The following RYR3 variants were observed in gnomAD, a reference collection of about 807,000 sequenced individuals.
RYR3 encodes the protein brain ryanodine receptor-calcium release channel.
Under a neutral mutation model 584.3 loss-of-function variants are expected in RYR3, and 207 were observed. That is an observed-to-expected ratio of 0.35 (90% CI 0.32 to 0.40). The LOEUF is 0.40. RYR3 is among the 10% of genes least tolerant of loss of function. The pLI is 1.00. For synonymous variants in RYR3, 2,416 were observed against 2,248.5 expected (o/e 1.07, Z -2.11); for missense variants, 5,616 against 6,089.2 (o/e 0.92, Z 2.59).
intron 88 of RYR3, 126 bp downstream of exon 88, chr15:33,837,113 A>C (rs756047270): frequency 1.4e-6 from 1 of 709,490 alleles, no homozygotes; most frequent in Non-Finnish European, 2.3e-6. Flanking sequence ...CAGAAAGCCA[A>C]ATTTTCAGAA....
chr15:33,478,924 C>A (rs11634742), intron 2 of RYR3, among the ~76,000 whole-genome samples: 3 of 152,162 alleles, frequency 2.0e-5, no homozygotes, highest in Non-Finnish European at 4.4e-5. Flanking sequence ...CCTTAGTGCC[C>A]TTTAAAAAGC....
At chr15:33,789,624 T>TTTTATATA (rs1258454158) in intron 67 of RYR3, among the ~76,000 whole-genome samples, 3 of 11,694 alleles carry the variant, frequency 2.6e-4, no homozygotes, top group African/African-American at 6.5e-4. Flanking sequence ...AGGTTTTATT[T>TTTTATATA]TATATATATA....
At chr15:33,553,978 T>C (rs1595565198) in intron 10 of RYR3, among the ~76,000 whole-genome samples, 1 of 152,364 alleles carries the variant, frequency 6.6e-6, no homozygotes, top group East Asian at 1.9e-4. Context: ...ATTTGTTTTT[T>C]TCTAACCACC....
intron 94 of RYR3, chr15:33,851,083 T>A (rs2079076137): frequency 6.6e-6 from 1 of 152,226 alleles, no homozygotes; most frequent in Admixed American, 6.5e-5. Flanking sequence ...TATAGTTTGT[T>A]CATTTTCAAA....
chr15:33,796,195 C>T (rs1182552539), intron 67 of RYR3, among the ~76,000 whole-genome samples: 1 of 152,064 alleles, frequency 6.6e-6, no homozygotes, highest in Non-Finnish European at 1.5e-5. Flanking sequence ...AGTGCAGTGG[C>T]GCGATCTCTG....
chr15:33,644,840 G>GT (rs201791955), intron 28 of RYR3, among the ~76,000 whole-genome samples: 1,619 of 150,482 alleles, frequency 0.011, 19 homozygotes, highest in African/African-American at 0.032. Flanking sequence ...AAACTTTTCT[G>GT]TTTTTTTTTC....
In RYR3 at chr15:33,580,007, C is replaced by T. The variant is rs756987758; in HGVS notation, c.1300C>T (p.Leu434=). The change falls in exon 13 of 104, where the codon CTG becomes TTG. Residue 434 remains leucine (L), a synonymous_variant. Transcript: ENST00000634891. ...GNNRTAAPIT[L]PIEEVLQTLQ... is the part of the protein sequence containing the mutation. ...CAATCGCACAGCTGCCCCCATCACC[C>T]TGCCTATAGAAGAAGTCCTGCAGAC... The T allele has an allele frequency of 2.0e-5, 32 of 1,612,888 alleles. No individual in the cohort carries two copies. The highest frequency in any genetic ancestry group is 5.0e-5 in the Admixed American group (3 of 59,880).
chr15:33,861,063 TG>T lies in RYR3; in HGVS notation c.14365-14del. 5.8e-6 allele frequency: 9 copies of T among 1,555,410 alleles called. No individual in the cohort carries two copies. The highest frequency in any genetic ancestry group is 7.9e-6 in the Non-Finnish European group (9 of 1,142,922). ...TATGCCAACAAATGCCTTTTCTGCC[TG>T]TTATTTTTCTTAGACTAAATGTTTC... On this transcript the variant is annotated splice_polypyrimidine_tract_variant and intron_variant, in intron 101 of 103. Coordinates refer to ENST00000634891, the MANE Select transcript of RYR3 (RefSeq NM_001036.6).
At chr15:33,388,790 C>CTATAAAAGT (rs1385162232) in intron 1 of RYR3, among the ~76,000 whole-genome samples, 2 of 151,930 alleles carry the variant, frequency 1.3e-5, no homozygotes, top group Non-Finnish European at 2.9e-5. Context: ...AACCTCCATG[C>CTATAAAAGT]TATAAAAGTG....
intron 42 of RYR3, among the ~76,000 whole-genome samples, chr15:33,702,136 G>A (rs2066350183): frequency 6.6e-6 from 1 of 152,178 alleles, no homozygotes; most frequent in South Asian, 2.1e-4. Context: ...GGCATCCTCA[G>A]TGTCATGCGG....
intron 2 of RYR3, among the ~76,000 whole-genome samples, chr15:33,480,074 G>A (rs1449288912): frequency 6.6e-6 from 1 of 152,212 alleles, no homozygotes; most frequent in East Asian, 1.9e-4. Flanking sequence ...AGACTGGGGA[G>A]GAGGGGTGCA....
At chr15:33,744,191 A>G (rs568295099) in intron 52 of RYR3, among the ~76,000 whole-genome samples, 1 of 152,310 alleles carries the variant, frequency 6.6e-6, no homozygotes, top group African/African-American at 2.4e-5. Context: ...ATGAATTCCT[A>G]GGATGGCATT....
chr15:33,576,373 A>G (rs1201822314), intron 12 of RYR3, among the ~76,000 whole-genome samples: 1 of 152,200 alleles, frequency 6.6e-6, no homozygotes, highest in Non-Finnish European at 1.5e-5. Flanking sequence ...TCTCTATAAA[A>G]TATTGGCAAA....
At chr15:33,362,470 C>T (rs967431308) in intron 1 of RYR3, among the ~76,000 whole-genome samples, 1 of 152,140 alleles carries the variant, frequency 6.6e-6, no homozygotes, top group Non-Finnish European at 1.5e-5. Context: ...ATCTCATCAC[C>T]ACCATTTCAT....
chr15:33,720,065 G>C (rs2067795868), intron 43 of RYR3, among the ~76,000 whole-genome samples: 1 of 152,176 alleles, frequency 6.6e-6, no homozygotes, highest in Non-Finnish European at 1.5e-5. Context: ...TTGAAGGATT[G>C]AGCTATAAAA....
intron 32 of RYR3, among the ~76,000 whole-genome samples, chr15:33,657,476 A>C (rs147688545): frequency 5.9e-5 from 9 of 152,326 alleles, no homozygotes; most frequent in African/African-American, 2.2e-4. Flanking sequence ...GAGGCCTACA[A>C]GTTGTTCTAG....
In RYR3 at chr15:33,638,819, A is replaced by G. The variant is rs534951259; in HGVS notation, c.3556+2269A>G. On this transcript the variant is annotated intron_variant, in intron 27 of 103. Coordinates refer to ENST00000634891, the MANE Select transcript of RYR3 (RefSeq NM_001036.6). Reference sequence around the variant, plus strand: ...TCTATATGAATGGGATTTGAATTGCATGTTAACTACAGAATACAAGATGTC... The same window carrying G: ...TCTATATGAATGGGATTTGAATTGCGTGTTAACTACAGAATACAAGATGTC... Among the ~76,000 whole-genome samples the G allele has an allele frequency of 4.6e-5, 7 of 152,336 alleles. No individual in the cohort carries two copies. In the East Asian group the frequency reaches 1.2e-3, roughly 25 times the overall value.
chr15:33,537,849 T>C (rs1360147501), intron 5 of RYR3, among the ~76,000 whole-genome samples: 1 of 152,202 alleles, frequency 6.6e-6, no homozygotes, highest in Non-Finnish European at 1.5e-5. Context: ...ATAGTATTTC[T>C]TTGTTAATTT....
chr15:33,339,851 T>C (rs573496901), intron 1 of RYR3, among the ~76,000 whole-genome samples: 2 of 146,076 alleles, frequency 1.4e-5, no homozygotes, highest in Non-Finnish European at 3.0e-5. Context: ...ATAGCACCAC[T>C]GCACTCCAGC....
Sources: allele counts gnomAD v4.1 joint callset (sites outside exome capture counted in the v4.1 genomes callset), GRCh38; gene constraint gnomAD v4.1.1; transcripts MANE v1.5; gene names NCBI Gene and HGNC (gene_info 2026-07-23, HGNC 2026-07-21).